TMCO5A: variants seen among roughly 807,000 people sequenced by gnomAD.
The protein encoded by TMCO5A is transmembrane and coiled-coil domains 5A.
A neutral mutation model predicts 42.3 loss-of-function variants in TMCO5A; 34 were observed. The observed-to-expected ratio is 0.80, with a 90% confidence interval of 0.61 to 1.07. TMCO5A has a LOEUF of 1.07. Among genes scored for constraint, TMCO5A ranks in the 50% least tolerant of loss-of-function variants. The probability of loss-of-function intolerance (pLI) is 0.00; values close to 1 mark genes in which losing one functional copy is unlikely to be tolerated. For synonymous variants in TMCO5A, 131 were observed against 115.6 expected (o/e 1.13, Z -0.86); for missense variants, 357 against 327.9 (o/e 1.09, Z -0.69).
At chr15:38,025,169 GT>G in the TMCO5A span, among the ~76,000 whole-genome samples, 1 of 35,932 alleles carries the variant, frequency 2.8e-5, no homozygotes, top group South Asian at 1.1e-3. Flanking sequence ...TTGGGTGTGT[GT>G]GTGTGTGTGT....
chr15:37,960,767 T>C (rs1890403483), intron 11 of TMCO5A, among the ~76,000 whole-genome samples: 1 of 152,186 alleles, frequency 6.6e-6, no homozygotes, highest in African/African-American at 2.4e-5. Flanking sequence ...TGATTTGCAT[T>C]TCCTTGATCA....
rs1889518565 is a variant in TMCO5A at position 37,936,534 on chromosome 15, A to G, written c.140+71A>G. 14 of 1,531,508 alleles carry G rather than the reference A, an allele frequency of 9.1e-6. No individual in the cohort carries two copies. The Admixed American group carries it at 2.7e-4, about 30-fold the overall frequency. 94.9% of individuals were successfully genotyped at this position (1,531,508 alleles called of 1,614,324 possible). On this transcript the variant is annotated intron_variant, in intron 3 of 11. Coordinates refer to ENST00000319669, the MANE Select transcript of TMCO5A (RefSeq NM_152453.4). ...GGTGGAGGACCAAAACCAAAACTGA[A>G]TTTTCCTGCTTGTTCTAGAGACTTC...
the TMCO5A span, among the ~76,000 whole-genome samples, chr15:38,015,198 C>G: frequency 6.6e-6 from 1 of 152,006 alleles, no homozygotes; most frequent in Non-Finnish European, 1.5e-5. Flanking sequence ...TTTGGCAACA[C>G]CCTCATAGAC....
the TMCO5A span, among the ~76,000 whole-genome samples, chr15:37,973,751 C>T: frequency 6.6e-6 from 1 of 152,120 alleles, no homozygotes. Flanking sequence ...ATTTCTATGT[C>T]TTTAGTTTCT....
the TMCO5A span, among the ~76,000 whole-genome samples, chr15:37,980,318 G>C: frequency 0.014 from 2,145 of 152,266 alleles, 42 homozygotes; most frequent in African/African-American, 0.049. Flanking sequence ...GTGCCAGGGT[G>C]CCCAGGGGTC....
the TMCO5A span, among the ~76,000 whole-genome samples, chr15:38,003,049 T>C: frequency 6.6e-6 from 1 of 152,136 alleles, no homozygotes; most frequent in African/African-American, 2.4e-5. Flanking sequence ...GTGATCTAAG[T>C]CTTTGGTCAC....
At chr15:37,943,232 A>T in intron 9 of TMCO5A, 109 bp from the exon 10 acceptor site, 1 of 959,210 alleles carries the variant, frequency 1.0e-6, no homozygotes. Flanking sequence ...TAGTTACAAT[A>T]TTGGACAGTA....
chr15:37,981,199 G>GTAAAAAAAAAAAA, the TMCO5A span, among the ~76,000 whole-genome samples: 1 of 41,832 alleles, frequency 2.4e-5, no homozygotes, highest in African/African-American at 1.1e-4. Flanking sequence ...GAGAAAGCCA[G>GTAAAAAAAAAAAA]CAAAAAAAAA....
At chr15:37,936,617 A>G (rs1210998196) in intron 3 of TMCO5A, among the ~76,000 whole-genome samples, 154 bp downstream of exon 3, 3 of 152,132 alleles carry the variant, frequency 2.0e-5, no homozygotes, top group Admixed American at 2.0e-4. Flanking sequence ...TGAACACTGA[A>G]GCATAGCAAG....
chr15:37,973,577 G>A, the TMCO5A span, among the ~76,000 whole-genome samples: 3 of 151,882 alleles, frequency 2.0e-5, no homozygotes, highest in African/African-American at 7.3e-5. Flanking sequence ...TCTCGGCTTG[G>A]CTATTGTGCA....
chr15:38,027,541 G>A, the TMCO5A span, among the ~76,000 whole-genome samples: 1 of 152,130 alleles, frequency 6.6e-6, no homozygotes. Context: ...TTTGGACTGT[G>A]GGCTTTTGGG....
At chr15:37,956,201 C>T (rs1890285618), downstream of TMCO5A, among the ~76,000 whole-genome samples, 1 of 152,168 alleles carries the variant, frequency 6.6e-6, no homozygotes, top group Middle Eastern at 3.4e-3. Flanking sequence ...GAAGCAAGAA[C>T]AAACAAATTC....
the TMCO5A span, among the ~76,000 whole-genome samples, chr15:37,979,752 G>A: frequency 6.6e-6 from 1 of 152,144 alleles, no homozygotes; most frequent in Non-Finnish European, 1.5e-5. Context: ...CTCCAGAGCA[G>A]CCAAAAAGGG....
the TMCO5A span, among the ~76,000 whole-genome samples, chr15:37,999,026 G>T: frequency 6.6e-6 from 1 of 151,956 alleles, no homozygotes; most frequent in African/African-American, 2.4e-5. Flanking sequence ...CCTGTCTCAG[G>T]CTCCCTAGTA....
At chr15:38,014,873 A>C in the TMCO5A span, among the ~76,000 whole-genome samples, 1 of 79,000 alleles carries the variant, frequency 1.3e-5, no homozygotes, top group East Asian at 3.8e-4. Context: ...ATATATATAT[A>C]TATATATATA....
At chr15:37,943,610 A>C in intron 10 of TMCO5A, 1 of 527,192 alleles carries the variant, frequency 1.9e-6, no homozygotes, top group Admixed American at 3.7e-5. Context: ...CCATACAAAT[A>C]ACAGGCTCTC....
rs1300577397 is a variant in TMCO5A, at chr15:37,966,636, C to A, written c.680C>A (p.Ser227Tyr). Residue 227 changes from serine (S) to tyrosine (Y), a missense_variant, in exon 12 of 12, where the codon TCC becomes TAC. Ser to Tyr is a moderately radical substitution (Grantham distance 144). Coordinates refer to the TMCO5A transcript ENST00000559502. ...TCTTCTCTCTTCAGATGGGCCTCCT[C>A]CTTTTAGTGGCAAGATGGCTGCCAA... 30 of 702,566 alleles carry A rather than the reference C, an allele frequency of 4.3e-5. No homozygotes were observed. In the East Asian group the frequency reaches 7.0e-4, roughly 16 times the overall value. 43.5% of individuals were successfully genotyped at this position (702,566 alleles called of 1,614,324 possible).
chr15:38,013,104 C>T, the TMCO5A span, among the ~76,000 whole-genome samples: 15 of 152,240 alleles, frequency 9.9e-5, 2 homozygotes, highest in East Asian at 3.9e-4. Context: ...GTGAAACTCC[C>T]GAGGAAGCTG....
chr15:37,963,162 T>A (rs766909820), intron 11 of TMCO5A, among the ~76,000 whole-genome samples: 8 of 152,158 alleles, frequency 5.3e-5, no homozygotes, highest in Non-Finnish European at 8.8e-5. Flanking sequence ...CTTGTGCTCT[T>A]TCAGTCTTTT....
Sources: gnomAD v4.1 joint callset for allele counts (sites outside exome capture counted in the v4.1 genomes callset) on GRCh38, gnomAD v4.1.1 for gene constraint, MANE v1.5 for transcripts, NCBI Gene and HGNC (gene_info 2026-07-23, HGNC 2026-07-21) for gene names.